Variants in KDM4C observed in about 807,000 individuals in gnomAD.
KDM4C encodes the protein lysine-specific demethylase 4C.
In KDM4C, 81 loss-of-function variants were observed where a neutral mutation model predicts 129.3. The observed-to-expected ratio is 0.63, with a 90% CI of 0.52 to 0.75. The LOEUF (loss-of-function observed/expected upper bound fraction) is 0.75. Among genes scored for constraint, KDM4C ranks in the 30% least tolerant of loss-of-function variants. The pLI is 0.00. For missense variants in KDM4C, 1,457 were observed against 1,304.0 expected, an observed-to-expected ratio of 1.12 and a Z score of -1.81; for synonymous variants, 573 against 456.1, an observed-to-expected ratio of 1.26 and a Z score of -3.26.
intron 19 of KDM4C, among the ~76,000 whole-genome samples, chr9:7,143,731 C>G (rs538760194): frequency 1.2e-4 from 19 of 152,304 alleles, no homozygotes; most frequent in East Asian, 3.9e-4. Context: ...GGGGGAGTTT[C>G]TGACTTCCCT....
rs1249391290 is a variant in KDM4C at position 6,805,583 on chromosome 9, A to G, written c.145-16A>G. The G allele has an allele frequency of 2.5e-5, 39 of 1,569,862 alleles. No homozygotes were observed. Among genetic ancestry groups the G allele is most frequent in the Non-Finnish European group, 3.1e-5 (36 of 1,154,112 alleles). On this transcript the variant is annotated splice_polypyrimidine_tract_variant and intron_variant, in intron 2 of 21. Coordinates refer to ENST00000381309, the MANE Select transcript of KDM4C (RefSeq NM_015061.6). ...TATTTTCAAGATGATATTTTATTTC[A>G]TTATTTTATTTTTAGGTGATTCCTC...
At chr9:7,073,643 A>T (rs1255932618) in intron 17 of KDM4C, among the ~76,000 whole-genome samples, 1 of 152,224 alleles carries the variant, frequency 6.6e-6, no homozygotes. Context: ...AGAGTACTTT[A>T]AATGTGTGCA....
chr9:7,155,906 T>C (rs1843118418), intron 19 of KDM4C, among the ~76,000 whole-genome samples: 1 of 152,268 alleles, frequency 6.6e-6, no homozygotes, highest in South Asian at 2.1e-4. Flanking sequence ...ATGGTATTTC[T>C]AGTTCTAGAT....
chr9:6,922,374 G>T (rs762080805), intron 8 of KDM4C, among the ~76,000 whole-genome samples: 1 of 151,850 alleles, frequency 6.6e-6, no homozygotes, highest in Non-Finnish European at 1.5e-5. Flanking sequence ...TCCTATCACA[G>T]GTTTCTGATT....
At chr9:7,137,576 A>G (rs1841342025) in intron 19 of KDM4C, among the ~76,000 whole-genome samples, 1 of 152,262 alleles carries the variant, frequency 6.6e-6, no homozygotes, top group Non-Finnish European at 1.5e-5. Context: ...TAAGTGTAGT[A>G]TAATCAGGTT....
At chr9:7,101,835 TATTC>T (rs36116233) in intron 17 of KDM4C, among the ~76,000 whole-genome samples, 76,375 of 151,590 alleles carry the variant, frequency 0.5, 19,763 homozygotes, top group Middle Eastern at 0.7. Context: ...TATCTTAACT[TATTC>T]AAACACTGAC....
At chr9:6,782,342 G>A (rs1377108172) in intron 1 of KDM4C, among the ~76,000 whole-genome samples, 2 of 152,162 alleles carry the variant, frequency 1.3e-5, no homozygotes. Context: ...GAAGCAAATA[G>A]CAAAGCAGTT....
intron 2 of KDM4C, among the ~76,000 whole-genome samples, chr9:6,803,631 G>A (rs1829419495): frequency 6.6e-6 from 1 of 151,600 alleles, no homozygotes; most frequent in South Asian, 2.1e-4. Context: ...TGGTAAAGTG[G>A]CCAGGTGCAG....
At chr9:7,076,803 C>A in intron 17 of KDM4C, 1 of 1,039,130 alleles carries the variant, frequency 9.6e-7, no homozygotes, top group Non-Finnish European at 1.2e-6. Context: ...TTTAGTCCAA[C>A]GTGTCCTACT....
At chr9:7,018,457 T>A (rs1289829448) in intron 15 of KDM4C, among the ~76,000 whole-genome samples, 5 of 152,264 alleles carry the variant, frequency 3.3e-5, no homozygotes, top group African/African-American at 1.2e-4. Context: ...TACAAATATA[T>A]CAAGCTCTTA....
Position 6,729,757 on chromosome 9 carries a change from C to A in KDM4C, c.49+8760C>A, listed in dbSNP as rs1250165368. 3.7e-5 allele frequency among the ~76,000 whole-genome samples: 5 copies of A among 133,810 alleles called. 1 individual carries two copies. The highest frequency in any genetic ancestry group is 1.3e-4 in the African/African-American group (4 of 31,376). The allele number at this position is 133,810 out of a possible 152,430, so 87.8% of individuals were successfully genotyped here. A position where few individuals can be genotyped will look rare whatever the true frequency, so the allele number is the denominator to read the frequency against. On this transcript the variant is annotated intron_variant, in intron 1 of 17. Transcript: ENST00000536108. ...AGCTAATGATTTCCAGCCAGATGTG[C>A]ATATTTCTGAGTGGGTCACTTTGGG...
chr9:6,999,717 G>C (rs1820382675), intron 12 of KDM4C, among the ~76,000 whole-genome samples: 1 of 151,638 alleles, frequency 6.6e-6, no homozygotes, highest in Non-Finnish European at 1.5e-5. Context: ...GATGCTACTG[G>C]GTACATGACT....
chr9:6,854,757 A>C (rs1233240661), intron 5 of KDM4C, among the ~76,000 whole-genome samples: 3 of 152,214 alleles, frequency 2.0e-5, no homozygotes, highest in Non-Finnish European at 4.4e-5. Flanking sequence ...GCAGTTAAGA[A>C]GTATCCAATT....
At chr9:6,736,025 G>A (rs998067946) in intron 1 of KDM4C, among the ~76,000 whole-genome samples, 1 of 152,162 alleles carries the variant, frequency 6.6e-6, no homozygotes, top group Non-Finnish European at 1.5e-5. Flanking sequence ...GGTGACTCTT[G>A]TTATGTTTTA....
intron 1 of KDM4C, chr9:6,721,237 CTTT>C (rs35919506): frequency 2.1e-3 from 187 of 90,642 alleles, no homozygotes; most frequent in Middle Eastern, 0.015. Context: ...CTATGCCTGG[CTTT>C]TTTTTTTTTT....
At chr9:6,973,733 A>T (rs1274635040) in intron 8 of KDM4C, 1 of 152,072 alleles carries the variant, frequency 6.6e-6, no homozygotes, top group African/African-American at 2.4e-5. Context: ...CTCCTTATTG[A>T]TTTGTTAATC....
At chr9:6,856,734 G>A (rs1435372166) in intron 5 of KDM4C, among the ~76,000 whole-genome samples, 1 of 150,640 alleles carries the variant, frequency 6.6e-6, no homozygotes, top group African/African-American at 2.4e-5. Context: ...CACTATGCCA[G>A]GCTAATTTTT....
chr9:7,174,069 A>G (rs922248057), intron 21 of KDM4C, among the ~76,000 whole-genome samples: 13 of 152,150 alleles, frequency 8.5e-5, no homozygotes, highest in Non-Finnish European at 1.9e-4. Context: ...CAGAGAAGAG[A>G]GCTTTAAGCA....
intron 1 of KDM4C, among the ~76,000 whole-genome samples, chr9:6,736,721 C>G (rs527956711): frequency 6.0e-4 from 91 of 152,226 alleles, no homozygotes; most frequent in African/African-American, 2.1e-3. Flanking sequence ...TGAAAAAGAA[C>G]TTCAGCAAAG....
Sources: allele counts gnomAD v4.1 joint callset (sites outside exome capture counted in the v4.1 genomes callset), GRCh38; gene constraint gnomAD v4.1.1; transcripts MANE v1.5; gene names NCBI Gene and HGNC (gene_info 2026-07-23, HGNC 2026-07-21).